GRHL2: variants seen among roughly 807,000 people sequenced by gnomAD.
GRHL2 encodes the protein grainyhead like transcription factor 2.
Under a neutral mutation model 83.8 loss-of-function variants are expected in GRHL2, and 21 were observed. The observed-to-expected ratio is 0.25, with a 90% CI of 0.18 to 0.36. The LOEUF (loss-of-function observed/expected upper bound fraction) is 0.36. Ranked by LOEUF, GRHL2 falls within the 10% of genes least tolerant of loss-of-function variation. The pLI is 1.00. For missense variants in GRHL2, 623 were observed against 781.8 expected (o/e 0.80, Z 2.42); for synonymous variants, 280 against 278.9 (o/e 1.00, Z -0.04).
At chr8:101,559,844 C>T (rs904284822) in intron 4 of GRHL2, among the ~76,000 whole-genome samples, 2 of 152,180 alleles carry the variant, frequency 1.3e-5, no homozygotes, top group South Asian at 2.1e-4. Context: ...TTGAAGCCTT[C>T]CCTGCTCACC....
intron 5 of GRHL2, among the ~76,000 whole-genome samples, chr8:101,572,793 T>C (rs1229229592): frequency 1.3e-5 from 2 of 152,114 alleles, no homozygotes; most frequent in Admixed American, 6.5e-5. Flanking sequence ...TGTTTTTCCT[T>C]TGTAAATTAT....
chr8:101,550,397 CA>C (rs1811354801), intron 2 of GRHL2, among the ~76,000 whole-genome samples: 1 of 152,220 alleles, frequency 6.6e-6, no homozygotes, highest in South Asian at 2.1e-4. Context: ...ATCTTTATGT[CA>C]ATGTGAACCC....
intron 7 of GRHL2, among the ~76,000 whole-genome samples, chr8:101,582,582 AG>A (rs1318129993): frequency 6.6e-6 from 1 of 152,230 alleles, no homozygotes; most frequent in East Asian, 1.9e-4. Flanking sequence ...GAAGGATTCT[AG>A]GGGTCCACAG....
At chr8:101,676,042 C>G in the GRHL2 span, among the ~76,000 whole-genome samples, 2 of 152,086 alleles carry the variant, frequency 1.3e-5, no homozygotes, top group Non-Finnish European at 2.9e-5. Flanking sequence ...TTCCTTACAC[C>G]TTATACAAAA....
intron 4 of GRHL2, among the ~76,000 whole-genome samples, chr8:101,561,524 G>C (rs1445169154): frequency 1.3e-5 from 2 of 152,286 alleles, no homozygotes; most frequent in Non-Finnish European, 2.9e-5. Flanking sequence ...GCTCTTCTAA[G>C]ATGCAAATAA....
chr8:101,599,534 C>G (rs976996722), intron 8 of GRHL2, among the ~76,000 whole-genome samples: 3 of 152,216 alleles, frequency 2.0e-5, no homozygotes, highest in African/African-American at 7.2e-5. Context: ...TGGGTAGACC[C>G]CTGACCCCAT....
At chr8:101,608,143 G>A (rs1008815791) in intron 8 of GRHL2, among the ~76,000 whole-genome samples, 9 of 152,192 alleles carry the variant, frequency 5.9e-5, no homozygotes, top group African/African-American at 1.9e-4. Flanking sequence ...TATGCATTAT[G>A]CAATATTCAT....
chr8:101,654,184 C>G (rs947612141), intron 14 of GRHL2, among the ~76,000 whole-genome samples: 4 of 152,222 alleles, frequency 2.6e-5, no homozygotes, highest in African/African-American at 9.6e-5. Flanking sequence ...GCAGAATTCA[C>G]AACTCCAAAT....
chr8:101,601,628 T>C (rs953290285), intron 8 of GRHL2, among the ~76,000 whole-genome samples: 72 of 152,202 alleles, frequency 4.7e-4, no homozygotes, highest in African/African-American at 1.7e-3. Context: ...AAAATGGCAG[T>C]GGAGGATATT....
chr8:101,632,899 T>G (rs1215494375), intron 11 of GRHL2, among the ~76,000 whole-genome samples: 1 of 152,250 alleles, frequency 6.6e-6, no homozygotes, highest in Non-Finnish European at 1.5e-5. Flanking sequence ...TCTAGTTATA[T>G]CTACAAGTGA....
intron 1 of GRHL2, among the ~76,000 whole-genome samples, chr8:101,513,154 A>C (rs1196648060): frequency 6.6e-6 from 1 of 152,122 alleles, no homozygotes; most frequent in Non-Finnish European, 1.5e-5. Context: ...TAAGCCTTAC[A>C]GGGTCATGTT....
chr8:101,542,863 C>A (rs1811183872), intron 1 of GRHL2: 1 of 458,094 alleles, frequency 2.2e-6, no homozygotes, highest in Non-Finnish European at 4.4e-6. Context: ...TGAACCCACT[C>A]CTTTGATAAT....
At chr8:101,567,007 T>C (rs1811732522) in intron 4 of GRHL2, among the ~76,000 whole-genome samples, 1 of 152,092 alleles carries the variant, frequency 6.6e-6, no homozygotes, top group South Asian at 2.1e-4. Flanking sequence ...AAAGAGTGAA[T>C]GGGTAAATGA....
chr8:101,660,351 T>G (rs983431956), intron 14 of GRHL2, among the ~76,000 whole-genome samples: 2 of 152,234 alleles, frequency 1.3e-5, no homozygotes, highest in African/African-American at 4.8e-5. Context: ...ACCTTGTCAC[T>G]CCTCTTTTGC....
rs552926091 is a variant in GRHL2, at chr8:101,585,294, A to G, written c.1003+7775A>G. Among the ~76,000 whole-genome samples the G allele has an allele frequency of 2.0e-5, 3 of 152,338 alleles. No individual in the cohort carries two copies. The East Asian group carries it at 5.8e-4, about 29-fold the overall frequency. ...GAAAATGTAGGTCTTCCCTCCTTTA[A>G]AAATAACTCAAGTAAATAGGATTTC... On this transcript the variant is annotated intron_variant, in intron 7 of 15. Transcript: ENST00000646743.
intron 1 of GRHL2, among the ~76,000 whole-genome samples, chr8:101,539,321 A>T (rs1811105230): frequency 6.6e-6 from 1 of 152,192 alleles, no homozygotes; most frequent in African/African-American, 2.4e-5. Context: ...AATAACATGA[A>T]GTCCTTCCTG....
chr8:101,638,348 G>C (rs910420433), intron 12 of GRHL2, among the ~76,000 whole-genome samples: 1 of 152,106 alleles, frequency 6.6e-6, no homozygotes, highest in African/African-American at 2.4e-5. Context: ...AACTACAAAT[G>C]GTTTTTACAT....
chr8:101,523,717 G>A (rs923863060), intron 1 of GRHL2, among the ~76,000 whole-genome samples: 3 of 151,942 alleles, frequency 2.0e-5, no homozygotes, highest in East Asian at 1.9e-4. Context: ...GGGCTCAAAC[G>A]ATCCTCCCAC....
intron 1 of GRHL2, among the ~76,000 whole-genome samples, chr8:101,538,455 G>C (rs548620897): frequency 7.9e-5 from 12 of 152,266 alleles, no homozygotes; most frequent in Non-Finnish European, 1.5e-4. Flanking sequence ...AAAGTTGTCT[G>C]TGTGACATGG....
Sources: allele counts gnomAD v4.1 joint callset (sites outside exome capture counted in the v4.1 genomes callset), GRCh38; gene constraint gnomAD v4.1.1; transcripts MANE v1.5; gene names NCBI Gene and HGNC (gene_info 2026-07-23, HGNC 2026-07-21).